The following LARGE1 variants were observed in gnomAD, a reference collection of about 807,000 sequenced individuals.
LARGE1 encodes the protein xylosyl- and glucuronyltransferase LARGE1.
A neutral mutation model predicts 87.6 loss-of-function variants in LARGE1; 43 were observed. The observed-to-expected ratio is 0.49, with a 90% CI of 0.38 to 0.63. The LOEUF (loss-of-function observed/expected upper bound fraction) is 0.63, where lower values mean the gene tolerates loss of function less well. Among genes scored for constraint, LARGE1 ranks in the 30% least tolerant of loss-of-function variants. LARGE1 has a pLI of 0.00. For missense variants in LARGE1, 802 were observed against 1,000.2 expected (o/e 0.80, Z 2.67); for synonymous variants, 434 against 394.6 (o/e 1.10, Z -1.18).
At chr22:33,916,212 C>T (rs1286541273) in intron 1 of LARGE1, among the ~76,000 whole-genome samples, 4 of 151,826 alleles carry the variant, frequency 2.6e-5, no homozygotes, top group Non-Finnish European at 5.9e-5. Context: ...ACCCGGGAGG[C>T]GGAGGTTGCA....
chr22:33,827,697 G>A (rs1159814027), intron 1 of LARGE1, among the ~76,000 whole-genome samples: 1 of 152,152 alleles, frequency 6.6e-6, no homozygotes, highest in African/African-American at 2.4e-5. Context: ...TGACATCGTG[G>A]TGTAGAGCCA....
intron 4 of LARGE1, among the ~76,000 whole-genome samples, chr22:33,612,417 T>C (rs1208247870): frequency 1.3e-5 from 2 of 152,308 alleles, no homozygotes; most frequent in South Asian, 2.1e-4. Context: ...TGTTTCTTTA[T>C]AGCAACACAA....
intron 5 of LARGE1, among the ~76,000 whole-genome samples, chr22:33,580,065 G>T (rs1358750523): frequency 6.6e-6 from 1 of 152,118 alleles, no homozygotes; most frequent in Non-Finnish European, 1.5e-5. Flanking sequence ...TTCAGGTTTT[G>T]CATCTGTAAA....
chr22:33,739,553 C>G (rs556598307), intron 2 of LARGE1, among the ~76,000 whole-genome samples: 1 of 152,290 alleles, frequency 6.6e-6, no homozygotes, highest in African/African-American at 2.4e-5. Context: ...CCTCTCCTGA[C>G]AGTGGTCTTC....
the LARGE1 span, among the ~76,000 whole-genome samples, chr22:33,074,203 TC>T: frequency 1.3e-5 from 2 of 152,064 alleles, no homozygotes; most frequent in Non-Finnish European, 1.5e-5. Flanking sequence ...ATGGCCAGGA[TC>T]ACCTACTCCT....
intron 1 of LARGE1, among the ~76,000 whole-genome samples, chr22:33,886,173 T>C (rs941297760): frequency 1.3e-5 from 2 of 152,152 alleles, no homozygotes; most frequent in African/African-American, 4.8e-5. Context: ...CCCACAGCAA[T>C]CCTGCTCCCT....
At chr22:33,450,713 G>A (rs1023899853) in intron 6 of LARGE1, among the ~76,000 whole-genome samples, 3 of 152,084 alleles carry the variant, frequency 2.0e-5, no homozygotes, top group African/African-American at 4.8e-5. Context: ...TCTTTTCATC[G>A]TATAACTGAT....
In LARGE1 at chr22:33,867,990, G is replaced by A. The variant is rs75158724; in HGVS notation, c.-83+52005C>T. On this transcript the variant is annotated intron_variant, in intron 1 of 14. Transcript: ENST00000397394. ...TCATTCAAGAGGAGAGGGCCAAACC[G>A]GATCCAAGCAGCCTACCCTGTAATC... Among the ~76,000 whole-genome samples the A allele has an allele frequency of 9.4e-3, 1,424 of 152,198 alleles. 19 individuals carry two copies. Among genetic ancestry groups the A allele is most frequent in the African/African-American group, 0.033 (1,375 of 41,508 alleles).
At chr22:33,203,951 C>G (rs1004339881) in intron 11 of LARGE1, among the ~76,000 whole-genome samples, 3 of 152,104 alleles carry the variant, frequency 2.0e-5, no homozygotes, top group Admixed American at 6.6e-5. Context: ...TCCCATGAAC[C>G]CTGGAGGCCC....
At chr22:33,355,616 GT>G (rs1295244378) in intron 9 of LARGE1, among the ~76,000 whole-genome samples, 1 of 151,826 alleles carries the variant, frequency 6.6e-6, no homozygotes, top group African/African-American at 2.4e-5. Flanking sequence ...TCAATTTATG[GT>G]CTTTTCCAGA....
At chr22:33,325,131 T>C (rs1285669353) in intron 10 of LARGE1, among the ~76,000 whole-genome samples, 1 of 152,246 alleles carries the variant, frequency 6.6e-6, no homozygotes, top group Non-Finnish European at 1.5e-5. Flanking sequence ...CTCACTACAA[T>C]GCCTAGTTGG....
intron 7 of LARGE1, among the ~76,000 whole-genome samples, chr22:33,396,407 T>G (rs2065740969): frequency 6.6e-6 from 1 of 151,388 alleles, no homozygotes; most frequent in Non-Finnish European, 1.5e-5. Flanking sequence ...TTTTAAATTA[T>G]TTCTTCCTGA....
At chr22:33,730,616 A>G (rs1298813177) in intron 2 of LARGE1, among the ~76,000 whole-genome samples, 1 of 152,218 alleles carries the variant, frequency 6.6e-6, no homozygotes, top group Non-Finnish European at 1.5e-5. Context: ...AAAAGTGGTA[A>G]GGAGAAAAAT....
At chr22:33,329,377 C>G (rs929732846) in intron 10 of LARGE1, among the ~76,000 whole-genome samples, 3 of 151,318 alleles carry the variant, frequency 2.0e-5, no homozygotes, top group African/African-American at 7.3e-5. Context: ...AACATAACAA[C>G]AGATCATTCT....
intron 2 of LARGE1, among the ~76,000 whole-genome samples, chr22:33,720,320 A>T (rs1705074382): frequency 1.3e-5 from 2 of 152,098 alleles, no homozygotes; most frequent in Non-Finnish European, 2.9e-5. Flanking sequence ...GGCGGAGCTC[A>T]CGGGGTAACG....
intron 11 of LARGE1, among the ~76,000 whole-genome samples, chr22:33,189,971 C>T (rs1393661314): frequency 6.6e-6 from 1 of 152,124 alleles, no homozygotes; most frequent in Non-Finnish European, 1.5e-5. Context: ...AGGGCAACCC[C>T]AGGGAATAGC....
intron 7 of LARGE1, among the ~76,000 whole-genome samples, chr22:33,389,618 G>A (rs898669796): frequency 1.2e-4 from 19 of 152,216 alleles, no homozygotes; most frequent in Admixed American, 5.2e-4. Flanking sequence ...GCTGAGGCTG[G>A]CGGATCACCT....
At chr22:33,117,234 T>C in the LARGE1 span, among the ~76,000 whole-genome samples, 5 of 152,226 alleles carry the variant, frequency 3.3e-5, no homozygotes, top group South Asian at 2.1e-4. Context: ...TGGCAGACTC[T>C]AGTTTTCAGA....
chr22:33,297,669 T>C (rs1933503776), intron 12 of LARGE1, among the ~76,000 whole-genome samples: 3 of 146,696 alleles, frequency 2.0e-5, no homozygotes, highest in Admixed American at 6.8e-5. Flanking sequence ...GTGAGGACAG[T>C]AGAGATACTT....
Sources: allele counts gnomAD v4.1 joint callset (sites outside exome capture counted in the v4.1 genomes callset), GRCh38; gene constraint gnomAD v4.1.1; transcripts MANE v1.5; gene names NCBI Gene and HGNC (gene_info 2026-07-23, HGNC 2026-07-21).